The following PIK3CB variants were observed in gnomAD, a reference collection of about 807,000 sequenced individuals.
PIK3CB encodes phosphatidylinositol-4,5-bisphosphate 3-kinase catalytic subunit beta, also known as phosphatidylinositol 4,5-bisphosphate 3-kinase catalytic subunit beta isoform.
In PIK3CB, 39 loss-of-function variants were observed where a neutral mutation model predicts 136.8. The observed-to-expected ratio is 0.29, with a 90% confidence interval of 0.22 to 0.37. PIK3CB has a LOEUF of 0.37. Ranked by LOEUF, PIK3CB falls within the 10% of genes least tolerant of loss-of-function variation. The probability of loss-of-function intolerance (pLI) is 1.00; values close to 1 mark genes in which losing one functional copy is unlikely to be tolerated. For missense variants in PIK3CB, 868 were observed against 1,275.4 expected, an observed-to-expected ratio of 0.68 and a Z score of 4.87; for synonymous variants, 428 against 436.6, an observed-to-expected ratio of 0.98 and a Z score of 0.25.
intron 4 of PIK3CB, among the ~76,000 whole-genome samples, chr3:138,754,335 C>T (rs1228553616): frequency 2.0e-5 from 3 of 151,692 alleles, no homozygotes; most frequent in Non-Finnish European, 4.4e-5. Flanking sequence ...CTACTTAGGA[C>T]GCTGAGGTGG....
At chr3:138,714,018 C>G (rs994262057) in intron 9 of PIK3CB, among the ~76,000 whole-genome samples, 4 of 152,168 alleles carry the variant, frequency 2.6e-5, no homozygotes, top group Non-Finnish European at 4.4e-5. Context: ...TTTGATGACA[C>G]ATTTATGCCC....
intron 1 of PIK3CB, among the ~76,000 whole-genome samples, chr3:138,824,316 G>A (rs561407616): frequency 2.6e-5 from 4 of 152,116 alleles, no homozygotes; most frequent in African/African-American, 9.7e-5. Context: ...TACAGGACCA[G>A]GGATGCTGTC....
At chr3:138,779,787 C>A (rs1416121812) in intron 2 of PIK3CB, among the ~76,000 whole-genome samples, 1 of 151,776 alleles carries the variant, frequency 6.6e-6, no homozygotes, top group East Asian at 1.9e-4. Flanking sequence ...CTTCGGCCTC[C>A]CAAAGTGCTA....
rs533550398 is a variant in PIK3CB, at chr3:138,655,245, G to C, written c.*144C>G. The C allele has an allele frequency of 2.4e-5, 18 of 735,748 alleles. No individual in the cohort carries two copies. In the African/African-American group the frequency reaches 2.8e-4, roughly 12 times the overall value. 45.6% of individuals were successfully genotyped at this position (735,748 alleles called of 1,614,324 possible). On this transcript the variant is annotated 3_prime_UTR_variant, in exon 24 of 24. Coordinates refer to ENST00000674063, the MANE Select transcript of PIK3CB (RefSeq NM_006219.3). ...GGGATTGTTCAGATTAGGTTCTGTG[G>C]GATGCCTTGTTCTTAATTTAACTCT...
intron 2 of PIK3CB, among the ~76,000 whole-genome samples, chr3:138,766,053 T>A (rs1268291857): frequency 6.6e-6 from 1 of 152,210 alleles, no homozygotes; most frequent in Non-Finnish European, 1.5e-5. Context: ...AATGCTGCCA[T>A]GTCTCAAATA....
intron 1 of PIK3CB, among the ~76,000 whole-genome samples, chr3:138,804,149 T>A (rs1013573645): frequency 6.6e-6 from 1 of 151,682 alleles, no homozygotes; most frequent in African/African-American, 2.4e-5. Context: ...CTACAAAAAA[T>A]TTTTTAAAAA....
chr3:138,805,439 G>T (rs1037002826), intron 1 of PIK3CB, among the ~76,000 whole-genome samples: 1 of 151,910 alleles, frequency 6.6e-6, no homozygotes, highest in Non-Finnish European at 1.5e-5. Flanking sequence ...GGGAGGCCGA[G>T]GTCGGCAGAT....
intron 2 of PIK3CB, among the ~76,000 whole-genome samples, chr3:138,784,762 G>C (rs1040011083): frequency 3.3e-5 from 5 of 152,204 alleles, no homozygotes; most frequent in Non-Finnish European, 7.4e-5. Flanking sequence ...ATGCAGTGGC[G>C]TGATCTCAGC....
At chr3:138,727,079 C>T (rs968455249) in intron 8 of PIK3CB, among the ~76,000 whole-genome samples, 9 of 151,922 alleles carry the variant, frequency 5.9e-5, no homozygotes, top group Non-Finnish European at 1.0e-4. Flanking sequence ...AAAAGCCCTA[C>T]AAGGCCAAGG....
chr3:138,698,943 C>A lies in PIK3CB; in HGVS notation c.1734G>T (p.Leu578=). ...IFPQSLPKLL[L]SIKWNKLEDV... ...CCTCAAGTTTATTCCACTTGATTGA[C>A]AGCAGTAATTTTGGCAGTGATTGTG... Residue 578 remains leucine (L), a synonymous_variant, in exon 13 of 24, where the codon CTG becomes CTT. Transcript: ENST00000674063. The A allele has an allele frequency of 6.2e-7, 1 of 1,600,626 alleles. No homozygotes were observed. The highest frequency in any genetic ancestry group is 8.5e-7 in the Non-Finnish European group (1 of 1,170,970).
Position 138,663,960 on chromosome 3 carries a change from G to A in PIK3CB, c.2742C>T (p.Val914=). 1 of 1,613,974 alleles carries A rather than the reference G, an allele frequency of 6.2e-7. No individual in the cohort carries two copies. The highest frequency in any genetic ancestry group is 8.5e-7 in the Non-Finnish European group (1 of 1,179,974). ...CACTATGTCTGTCACCAATCCCAAG[G>A]ACATAAGAAGCTACACAGTAGCCAG... ...SCAGYCVASY[V]LGIGDRHSDN... is the part of the protein sequence containing the mutation. The change falls in exon 21 of 24, where the codon GTC becomes GTT. Residue 914 remains valine (V), a synonymous_variant. Transcript: ENST00000674063.
chr3:138,762,732 T>A (rs755678299), intron 2 of PIK3CB, among the ~76,000 whole-genome samples: 1 of 152,026 alleles, frequency 6.6e-6, no homozygotes, highest in African/African-American at 2.4e-5. Flanking sequence ...CCGAAGCAAG[T>A]GGAGTGCTTG....
intron 2 of PIK3CB, among the ~76,000 whole-genome samples, chr3:138,791,824 C>T (rs1271710410): frequency 6.6e-6 from 1 of 152,214 alleles, no homozygotes; most frequent in East Asian, 1.9e-4. Flanking sequence ...GAGGTCTTCC[C>T]TAACTTTACC....
At chr3:138,816,005 A>G (rs890087081) in intron 1 of PIK3CB, among the ~76,000 whole-genome samples, 3 of 152,242 alleles carry the variant, frequency 2.0e-5, no homozygotes, top group Non-Finnish European at 2.9e-5. Context: ...TAAGGTAGTT[A>G]AAAACCACAA....
chr3:138,719,551 C>T (rs1041278427), intron 8 of PIK3CB, among the ~76,000 whole-genome samples: 37 of 152,112 alleles, frequency 2.4e-4, no homozygotes, highest in Admixed American at 2.4e-3. Flanking sequence ...TTTTAAACAG[C>T]TAAAATAGAA....
intron 9 of PIK3CB, among the ~76,000 whole-genome samples, chr3:138,713,842 CA>C (rs1214422106): frequency 2.0e-5 from 3 of 152,094 alleles, no homozygotes; most frequent in African/African-American, 7.2e-5. Flanking sequence ...AGTATGACAA[CA>C]GGTCCATCCT....
chr3:138,715,170 C>G (rs2044582470), intron 8 of PIK3CB, among the ~76,000 whole-genome samples: 2 of 152,140 alleles, frequency 1.3e-5, no homozygotes, highest in Admixed American at 1.3e-4. Context: ...CTTTCTACTT[C>G]TAAATAATTT....
At position 138,663,898 on chromosome 3, in the gene PIK3CB, C is replaced by T. The variant is rs996400252; in HGVS notation, c.2796+8G>A. On this transcript the variant is annotated splice_region_variant and intron_variant, in intron 21 of 23. Coordinates refer to ENST00000674063, the MANE Select transcript of PIK3CB (RefSeq NM_006219.3). ...AAGGCCCTTGGCAGATCCTGAGGAG[C>T]AGCTCACCTGGCCAGTTTTTTTGAC... 1 of 1,612,372 alleles carries T rather than the reference C, an allele frequency of 6.2e-7. No individual in the cohort carries two copies. Among genetic ancestry groups the T allele is most frequent in the Non-Finnish European group, 8.5e-7 (1 of 1,179,524 alleles).
chr3:138,763,476 A>T (rs1481820520), intron 2 of PIK3CB, among the ~76,000 whole-genome samples: 2 of 152,202 alleles, frequency 1.3e-5, no homozygotes, highest in African/African-American at 4.8e-5. Context: ...TTTATGAAAC[A>T]TCAGCCCTCT....
Sources: allele counts gnomAD v4.1 joint callset (sites outside exome capture counted in the v4.1 genomes callset), GRCh38; gene constraint gnomAD v4.1.1; transcripts MANE v1.5; gene names NCBI Gene and HGNC (gene_info 2026-07-23, HGNC 2026-07-21).